Variants in RERG observed in about 807,000 individuals in gnomAD.
The protein encoded by RERG is RAS like estrogen regulated growth inhibitor, also known as ras-related and estrogen-regulated growth inhibitor.
Under a neutral mutation model 23.2 loss-of-function variants are expected in RERG, and 25 were observed. The observed-to-expected ratio is 1.08, with a 90% CI of 0.79 to 1.50. The LOEUF is 1.50. RERG is among the 40% of genes most tolerant of loss of function. The pLI is 0.00. For synonymous variants in RERG, 81 were observed against 89.1 expected (o/e 0.91, Z 0.51); for missense variants, 253 against 250.1 (o/e 1.01, Z -0.08).
At chr12:15,221,037 G>C (rs1865505282) in intron 1 of RERG, among the ~76,000 whole-genome samples, 158 bp downstream of exon 1, 1 of 152,126 alleles carries the variant, frequency 6.6e-6, no homozygotes, top group African/African-American at 2.4e-5. Context: ...TAGGCTGCTG[G>C]TGTTCACATC....
intron 2 of RERG, among the ~76,000 whole-genome samples, chr12:15,160,863 G>A (rs1385031566): frequency 1.3e-5 from 2 of 150,742 alleles, no homozygotes; most frequent in African/African-American, 2.4e-5. Context: ...TCGTCTGGGC[G>A]CAATGGCTCC....
chr12:15,142,893 C>A (rs1864261507), intron 2 of RERG, among the ~76,000 whole-genome samples: 1 of 152,194 alleles, frequency 6.6e-6, no homozygotes, highest in Non-Finnish European at 1.5e-5. Context: ...CAAAAGCACA[C>A]AACTTAGCCA....
At chr12:15,175,333 CTGTGTG>C (rs532399275) in intron 2 of RERG, among the ~76,000 whole-genome samples, 17,677 of 112,098 alleles carry the variant, frequency 0.16, 1,233 homozygotes, top group Middle Eastern at 0.27. Context: ...CTCTCAGGCT[CTGTGTG>C]TGTGTGTGTG....
intron 2 of RERG, among the ~76,000 whole-genome samples, chr12:15,180,466 A>T (rs1864908593): frequency 6.6e-6 from 1 of 152,144 alleles, no homozygotes; most frequent in Admixed American, 6.6e-5. Context: ...ACATGAAAAC[A>T]AGCCCTATCT....
intron 2 of RERG, among the ~76,000 whole-genome samples, chr12:15,174,621 T>C (rs768579488): frequency 1.3e-5 from 2 of 152,052 alleles, no homozygotes; most frequent in Non-Finnish European, 2.9e-5. Context: ...GTATACTTGA[T>C]GGTCCCACAG....
At chr12:15,154,822 T>C (rs567821370) in intron 2 of RERG, among the ~76,000 whole-genome samples, 13 of 146,880 alleles carry the variant, frequency 8.9e-5, no homozygotes, top group Non-Finnish European at 1.7e-4. Context: ...TTTTCATACC[T>C]AGAATTTTAA....
chr12:15,194,363 A>G (rs910136127), intron 2 of RERG, among the ~76,000 whole-genome samples: 2 of 152,054 alleles, frequency 1.3e-5, no homozygotes, highest in African/African-American at 4.8e-5. Context: ...CTCTTTTCCT[A>G]TTCTCTCACA....
At chr12:15,206,167 T>C (rs1162262949) in intron 2 of RERG, among the ~76,000 whole-genome samples, 1 of 152,138 alleles carries the variant, frequency 6.6e-6, no homozygotes, top group Non-Finnish European at 1.5e-5. Context: ...AAGTTCATCC[T>C]GTCACAATTG....
chr12:15,161,138 AAAAGAAAGAAAGAAAGAAAG>A (rs57319626), intron 2 of RERG, among the ~76,000 whole-genome samples: 1,022 of 41,634 alleles, frequency 0.025, 27 homozygotes, highest in African/African-American at 0.045. Context: ...CCATCTCAGA[AAAAGAAAGAAAGAAAGAAAG>A]AAAGAAAGAA....
chr12:15,140,380 A>C (rs1864216906), intron 2 of RERG, among the ~76,000 whole-genome samples: 1 of 152,164 alleles, frequency 6.6e-6, no homozygotes, highest in African/African-American at 2.4e-5. Context: ...TTCCTTATCC[A>C]TATGCTATAA....
At chr12:15,117,702 CACACAG>C (rs1863753923) in intron 3 of RERG, among the ~76,000 whole-genome samples, 1 of 151,648 alleles carries the variant, frequency 6.6e-6, no homozygotes, top group African/African-American at 2.4e-5. Flanking sequence ...CACACACACA[CACACAG>C]TCACAGGCAC....
intron 3 of RERG, among the ~76,000 whole-genome samples, chr12:15,113,362 TAA>T (rs1234715186): frequency 6.6e-6 from 1 of 151,816 alleles, no homozygotes; most frequent in Admixed American, 6.6e-5. Context: ...TGAAAAGATA[TAA>T]AAAGAGGGCA....
chr12:15,204,552 A>G (rs1378463356), intron 2 of RERG, among the ~76,000 whole-genome samples: 4 of 151,800 alleles, frequency 2.6e-5, no homozygotes, highest in African/African-American at 9.7e-5. Flanking sequence ...GTGAATTGCT[A>G]TGAAGATAAT....
intron 2 of RERG, among the ~76,000 whole-genome samples, chr12:15,195,596 TGTGTGC>T: frequency 1.4e-5 from 2 of 146,658 alleles, no homozygotes; most frequent in African/African-American, 5.1e-5. Flanking sequence ...TGTGTGTGTG[TGTGTGC>T]ATGTGTGTGT....
At chr12:15,114,952 T>C (rs1863693167) in intron 3 of RERG, among the ~76,000 whole-genome samples, 1 of 152,148 alleles carries the variant, frequency 6.6e-6, no homozygotes. Context: ...TAGCAGTAGC[T>C]CATATTAGAG....
intron 2 of RERG, among the ~76,000 whole-genome samples, chr12:15,197,580 T>C (rs1865161841): frequency 6.6e-6 from 1 of 152,132 alleles, no homozygotes; most frequent in Non-Finnish European, 1.5e-5. Flanking sequence ...ACTTAATTCA[T>C]TGCATGTTGG....
At chr12:15,114,171 T>C (rs775089622) in intron 3 of RERG, among the ~76,000 whole-genome samples, 3 of 151,976 alleles carry the variant, frequency 2.0e-5, no homozygotes, top group Admixed American at 6.6e-5. Context: ...CATCTAGATT[T>C]GAAGAGTGAA....
intron 2 of RERG, among the ~76,000 whole-genome samples, chr12:15,200,809 G>C (rs184328139): frequency 7.3e-5 from 11 of 151,636 alleles, no homozygotes; most frequent in African/African-American, 1.9e-4. Context: ...TTTTTAAAAG[G>C]CTTCTGAGTT....
At chr12:15,117,015 TGA>T (rs1430114586) in intron 3 of RERG, among the ~76,000 whole-genome samples, 1 of 152,166 alleles carries the variant, frequency 6.6e-6, no homozygotes, top group African/African-American at 2.4e-5. Context: ...AATTTCACTG[TGA>T]GAGATGTATA....
Sources: gnomAD v4.1 joint callset for allele counts (sites outside exome capture counted in the v4.1 genomes callset) on GRCh38, gnomAD v4.1.1 for gene constraint, MANE v1.5 for transcripts, NCBI Gene and HGNC (gene_info 2026-07-23, HGNC 2026-07-21) for gene names.